TSPAN18: variants seen among roughly 807,000 people sequenced by gnomAD.
The protein encoded by TSPAN18 is tetraspanin 18, also known as tetraspanin-18.
In TSPAN18, 14 loss-of-function variants were observed where a neutral mutation model predicts 27.3. The ratio of observed to expected loss-of-function variants is 0.51; its 90% CI spans 0.34 to 0.80. The LOEUF (loss-of-function observed/expected upper bound fraction) is 0.80, where lower values mean the gene tolerates loss of function less well. Among genes scored for constraint, TSPAN18 ranks in the 30% least tolerant of loss-of-function variants. The pLI is 0.01. For missense variants in TSPAN18, 268 were observed against 323.9 expected (o/e 0.83, Z 1.32); for synonymous variants, 143 against 136.5 (o/e 1.05, Z -0.33).
At chr11:44,809,835 A>T (rs1358983098) in intron 2 of TSPAN18, among the ~76,000 whole-genome samples, 2 of 152,270 alleles carry the variant, frequency 1.3e-5, no homozygotes, top group Non-Finnish European at 2.9e-5. Context: ...TGTTCAGCAC[A>T]GCGATTGGGC....
chr11:44,769,427 A>G (rs1855640117), intron 2 of TSPAN18, among the ~76,000 whole-genome samples: 1 of 152,176 alleles, frequency 6.6e-6, no homozygotes, highest in African/African-American at 2.4e-5. Flanking sequence ...GTTAGGAAGT[A>G]TTCTCTCCAC....
chr11:44,801,648 T>A (rs1391752116), intron 2 of TSPAN18, among the ~76,000 whole-genome samples: 1 of 152,228 alleles, frequency 6.6e-6, no homozygotes, highest in East Asian at 1.9e-4. Context: ...AACTGCCTCA[T>A]TTGAATCCCA....
intron 2 of TSPAN18, among the ~76,000 whole-genome samples, chr11:44,790,185 ATG>A (rs1475026984): frequency 1.1e-4 from 11 of 97,090 alleles, no homozygotes; most frequent in African/African-American, 1.7e-4. Flanking sequence ...GTGTGCGCAT[ATG>A]TGTGTGTGCA....
At chr11:44,739,336 G>A (rs187945454) in intron 1 of TSPAN18, among the ~76,000 whole-genome samples, 2 of 152,150 alleles carry the variant, frequency 1.3e-5, no homozygotes, top group East Asian at 1.9e-4. Flanking sequence ...AAATAATCAC[G>A]TCTGGCTGGG....
chr11:44,768,204 T>A (rs1237577464), intron 2 of TSPAN18, among the ~76,000 whole-genome samples: 1 of 152,222 alleles, frequency 6.6e-6, no homozygotes, highest in African/African-American at 2.4e-5. Flanking sequence ...AACTGACATC[T>A]TGACATTATT....
intron 2 of TSPAN18, among the ~76,000 whole-genome samples, chr11:44,773,702 C>T (rs148887263): frequency 6.0e-4 from 91 of 152,138 alleles, no homozygotes; most frequent in African/African-American, 2.1e-3. Flanking sequence ...TGGGATGGAA[C>T]GGTGGTCAGA....
intron 2 of TSPAN18, among the ~76,000 whole-genome samples, chr11:44,820,284 C>A (rs978869756): frequency 3.9e-5 from 6 of 152,362 alleles, no homozygotes; most frequent in Non-Finnish European, 7.3e-5. Context: ...CTATGCAAAC[C>A]TGAATGCCTC....
At chr11:44,919,696 G>A (rs1860050887) in intron 7 of TSPAN18, 121 bp from the exon 8 acceptor site, 2 of 995,254 alleles carry the variant, frequency 2.0e-6, no homozygotes, top group African/African-American at 3.2e-5. Context: ...GGTGACAGGT[G>A]GAGCCCGCCC....
At chr11:44,809,630 G>C in intron 2 of TSPAN18, among the ~76,000 whole-genome samples, 1 of 116,254 alleles carries the variant, frequency 8.6e-6, no homozygotes, top group East Asian at 2.1e-4. Context: ...GGTGCTTGGA[G>C]TGTGTATCTC....
chr11:44,866,571 C>T (rs1246553657), intron 3 of TSPAN18, among the ~76,000 whole-genome samples: 1 of 152,198 alleles, frequency 6.6e-6, no homozygotes, highest in Non-Finnish European at 1.5e-5. Flanking sequence ...TGTTCAGTCT[C>T]CCAACCATTC....
At chr11:44,730,981 T>C (rs1854641210) in intron 1 of TSPAN18, among the ~76,000 whole-genome samples, 1 of 152,230 alleles carries the variant, frequency 6.6e-6, no homozygotes, top group Non-Finnish European at 1.5e-5. Flanking sequence ...TGTTTGCAGC[T>C]GGCAGGGCTG....
intron 8 of TSPAN18, among the ~76,000 whole-genome samples, chr11:44,921,531 T>C (rs1229355804): frequency 6.6e-6 from 1 of 152,162 alleles, no homozygotes; most frequent in Non-Finnish European, 1.5e-5. Context: ...TTTGTGCAAC[T>C]TGAGTCACAT....
At chr11:44,825,495 C>T (rs998589999) in intron 2 of TSPAN18, among the ~76,000 whole-genome samples, 10 of 152,136 alleles carry the variant, frequency 6.6e-5, no homozygotes, top group Non-Finnish European at 1.3e-4. Flanking sequence ...GTGTGCGCCC[C>T]GATTCACTGG....
At position 44,918,101 on chromosome 11, in the gene TSPAN18, G is replaced by A. The variant is rs932688244; in HGVS notation, c.333+55G>A. 1.4e-5 allele frequency: 22 copies of A among 1,576,432 alleles called. No individual in the cohort carries two copies. The Admixed American group carries it at 3.0e-4, about 22-fold the overall frequency. ...TCCTGCTATCAGCAAGGGGTTGGTG[G>A]CCATTCAGGTCTGGCTCCTCCCCTC... On this transcript the variant is annotated intron_variant, in intron 6 of 9. Coordinates refer to ENST00000520358, the MANE Select transcript of TSPAN18 (RefSeq NM_130783.5).
intron 1 of TSPAN18, among the ~76,000 whole-genome samples, chr11:44,756,388 T>C (rs1855334401): frequency 6.6e-6 from 1 of 150,394 alleles, no homozygotes. Flanking sequence ...TTTTTCCCCA[T>C]TTTTTTTTAG....
At chr11:44,848,035 C>T (rs1306460882) in intron 2 of TSPAN18, among the ~76,000 whole-genome samples, 1 of 152,078 alleles carries the variant, frequency 6.6e-6, no homozygotes, top group Non-Finnish European at 1.5e-5. Context: ...GGGGTTTCAC[C>T]ATGTTGGCCA....
chr11:44,882,453 T>A (rs1858513733), intron 3 of TSPAN18, among the ~76,000 whole-genome samples: 2 of 152,092 alleles, frequency 1.3e-5, no homozygotes, highest in Admixed American at 1.3e-4. Context: ...CACCTCCCTC[T>A]GGGGGTCATA....
At chr11:44,906,770 C>T (rs779283062) in intron 4 of TSPAN18, among the ~76,000 whole-genome samples, 3 of 152,126 alleles carry the variant, frequency 2.0e-5, no homozygotes, top group East Asian at 1.9e-4. Flanking sequence ...TCTGACCCCT[C>T]GTGGAGAGTG....
intron 2 of TSPAN18, among the ~76,000 whole-genome samples, chr11:44,808,317 G>A (rs77030731): frequency 7.8e-4 from 119 of 152,308 alleles, no homozygotes; most frequent in African/African-American, 2.7e-3. Flanking sequence ...TTGAGGGTGG[G>A]TGTTTCTGAA....
Sources: gnomAD v4.1 joint callset for allele counts (sites outside exome capture counted in the v4.1 genomes callset) on GRCh38, gnomAD v4.1.1 for gene constraint, MANE v1.5 for transcripts, NCBI Gene and HGNC (gene_info 2026-07-23, HGNC 2026-07-21) for gene names.